TRPM3: variants seen among roughly 807,000 people sequenced by gnomAD.
TRPM3 encodes transient receptor potential cation channel subfamily M member 3, also known as long transient receptor potential channel 3.
In TRPM3, 77 loss-of-function variants were observed where a neutral mutation model predicts 181.2. The ratio of observed to expected loss-of-function variants is 0.42; its 90% confidence interval spans 0.35 to 0.51. TRPM3 has a LOEUF of 0.51. TRPM3 is among the 20% of genes least tolerant of loss of function. The pLI is 0.01. For missense variants in TRPM3, 1,759 were observed against 2,196.7 expected, an observed-to-expected ratio of 0.80 and a Z score of 3.98; for synonymous variants, 745 against 796.4, an observed-to-expected ratio of 0.94 and a Z score of 1.09.
intron 1 of TRPM3, among the ~76,000 whole-genome samples, chr9:71,242,232 T>A (rs1459263982): frequency 1.3e-5 from 2 of 152,144 alleles, no homozygotes; most frequent in Admixed American, 6.5e-5. Context: ...TCAAAGTACC[T>A]CCAGCTTAGG....
At chr9:70,556,441 GC>G (rs2047727517) in intron 22 of TRPM3, among the ~76,000 whole-genome samples, 1 of 152,042 alleles carries the variant, frequency 6.6e-6, no homozygotes, top group African/African-American at 2.4e-5. Context: ...CCCGACTCTG[GC>G]TGAGTGCAGT....
chr9:70,805,534 GAAAAAAAAAAAA>G (rs534322844), intron 6 of TRPM3, among the ~76,000 whole-genome samples: 1 of 82,696 alleles, frequency 1.2e-5, no homozygotes, highest in Non-Finnish European at 2.8e-5. Context: ...ACTCCATCTC[GAAAAAAAAAAAA>G]AAAAAAAAAA....
intron 1 of TRPM3, among the ~76,000 whole-genome samples, chr9:70,890,645 T>C (rs1237498710): frequency 6.6e-6 from 1 of 152,062 alleles, no homozygotes. Context: ...GGGGATATCT[T>C]GAAATTATGA....
At chr9:71,156,818 T>C (rs1034041243) in intron 1 of TRPM3, among the ~76,000 whole-genome samples, 7 of 152,062 alleles carry the variant, frequency 4.6e-5, no homozygotes, top group Admixed American at 2.0e-4. Flanking sequence ...ATATTCAATG[T>C]CACTAAGAAT....
chr9:71,381,027 G>A (rs111867998), intron 1 of TRPM3, among the ~76,000 whole-genome samples: 2 of 152,042 alleles, frequency 1.3e-5, no homozygotes, highest in Admixed American at 1.3e-4. Context: ...AGATAAGCAA[G>A]TGTGAGATTG....
rs71367234 is a variant in TRPM3 at position 70,864,525 on chromosome 9, CAAAAAAAAA to C, written c.178-23_178-15del. The C allele has an allele frequency of 2.2e-6, 2 of 892,074 alleles. No homozygotes were observed. The highest frequency in any genetic ancestry group is 2.9e-6 in the Non-Finnish European group (2 of 686,442). The allele number at this position is 892,074 out of a possible 1,614,324, so 55.3% of individuals were successfully genotyped here. A position where few individuals can be genotyped will look rare whatever the true frequency, so the allele number is the denominator to read the frequency against. ...GGATTTCTGAGCCTGAAAAAGAAAACAAAAAAAAAAAAAAAAGAAAAAAGAAAGAAAGGT... is the reference window on the plus strand; with the variant it reads ...GGATTTCTGAGCCTGAAAAAGAAAACAAAAAAAGAAAAAAGAAAGAAAGGT... On this transcript the variant is annotated splice_polypyrimidine_tract_variant and intron_variant, in intron 1 of 25. Transcript: ENST00000677713.
intron 1 of TRPM3, among the ~76,000 whole-genome samples, chr9:71,350,042 C>T (rs374041940): frequency 6.7e-6 from 1 of 148,516 alleles, no homozygotes; most frequent in African/African-American, 2.5e-5. Context: ...AAAAAATTAA[C>T]ATTTGCTCTG....
At chr9:71,031,047 T>C (rs1237883766) in intron 1 of TRPM3, among the ~76,000 whole-genome samples, 2 of 152,178 alleles carry the variant, frequency 1.3e-5, no homozygotes, top group Non-Finnish European at 2.9e-5. Context: ...CTGCTACTGC[T>C]CCTCACTGCA....
At chr9:70,924,054 G>A (rs2096693833) in intron 1 of TRPM3, among the ~76,000 whole-genome samples, 1 of 151,042 alleles carries the variant, frequency 6.6e-6, no homozygotes, top group Non-Finnish European at 1.5e-5. Flanking sequence ...CTCAACTGAG[G>A]GCAATTTTGC....
intron 1 of TRPM3, among the ~76,000 whole-genome samples, chr9:70,926,879 C>T (rs1198936572): frequency 1.3e-5 from 2 of 152,162 alleles, no homozygotes; most frequent in Non-Finnish European, 2.9e-5. Context: ...CACTGCAGAA[C>T]ATGTCCACTA....
At chr9:70,802,724 G>A (rs566191331) in intron 6 of TRPM3, among the ~76,000 whole-genome samples, 4 of 152,168 alleles carry the variant, frequency 2.6e-5, no homozygotes, top group South Asian at 2.1e-4. Context: ...AAAACTAGCC[G>A]TTTGGGACTA....
At chr9:71,172,445 AC>A (rs2076914120) in intron 1 of TRPM3, among the ~76,000 whole-genome samples, 1 of 151,300 alleles carries the variant, frequency 6.6e-6, no homozygotes, top group Non-Finnish European at 1.5e-5. Context: ...TTGCTCTTTC[AC>A]CCAAGCTGGA....
At chr9:71,195,339 T>C (rs1034521913) in intron 1 of TRPM3, among the ~76,000 whole-genome samples, 54 of 152,000 alleles carry the variant, frequency 3.6e-4, no homozygotes, top group African/African-American at 1.2e-3. Context: ...GCAGAGAACA[T>C]GGACAATTTT....
chr9:70,769,668 G>A (rs2079842321), intron 7 of TRPM3, among the ~76,000 whole-genome samples: 1 of 152,074 alleles, frequency 6.6e-6, no homozygotes, highest in Admixed American at 6.6e-5. Context: ...CATCTCCTAT[G>A]TGAAAGGCTC....
intron 1 of TRPM3, among the ~76,000 whole-genome samples, chr9:70,962,983 C>G (rs1335629049): frequency 6.6e-6 from 1 of 152,052 alleles, no homozygotes; most frequent in African/African-American, 2.4e-5. Flanking sequence ...TCTTTTGAAA[C>G]ACAAACCAGT....
intron 1 of TRPM3, among the ~76,000 whole-genome samples, chr9:71,420,651 GAAAGAA>G (rs1429090930): frequency 1.2e-5 from 1 of 84,624 alleles, no homozygotes; most frequent in Non-Finnish European, 3.2e-5. Context: ...GAGAGAAAGA[GAAAGAA>G]AAAGAGAAAG....
chr9:70,887,169 T>G (rs1402598779), intron 1 of TRPM3, among the ~76,000 whole-genome samples: 1 of 152,148 alleles, frequency 6.6e-6, no homozygotes, highest in Non-Finnish European at 1.5e-5. Flanking sequence ...GGGCTACTGC[T>G]TAGAAAGAAA....
chr9:71,277,913 AT>A (rs1158017866), intron 1 of TRPM3, among the ~76,000 whole-genome samples: 2 of 152,196 alleles, frequency 1.3e-5, no homozygotes, highest in Non-Finnish European at 2.9e-5. Flanking sequence ...GCAGGAGGTT[AT>A]TTTTTAAAAA....
chr9:71,251,108 G>A (rs1438090274), intron 1 of TRPM3, among the ~76,000 whole-genome samples: 1 of 152,068 alleles, frequency 6.6e-6, no homozygotes, highest in Non-Finnish European at 1.5e-5. Context: ...TCCTTTTATT[G>A]TTTTTCTAAG....
Sources: allele counts gnomAD v4.1 joint callset (sites outside exome capture counted in the v4.1 genomes callset), GRCh38; gene constraint gnomAD v4.1.1; transcripts MANE v1.5; gene names NCBI Gene and HGNC (gene_info 2026-07-23, HGNC 2026-07-21).